CCSER1: variants seen among roughly 807,000 people sequenced by gnomAD.
CCSER1 encodes the protein serine-rich coiled-coil domain-containing protein 1.
Under a neutral mutation model 82.0 loss-of-function variants are expected in CCSER1, and 41 were observed. That is an observed-to-expected ratio of 0.50 (90% confidence interval 0.39 to 0.65). The LOEUF is 0.65. CCSER1 is among the 30% of genes least tolerant of loss of function. The pLI is 0.00. For missense variants in CCSER1, 1,119 were observed against 1,064.2 expected (o/e 1.05, Z -0.72); for synonymous variants, 414 against 383.9 (o/e 1.08, Z -0.92).
At chr4:91,358,813 A>G (rs761141572) in intron 10 of CCSER1, among the ~76,000 whole-genome samples, 2 of 151,968 alleles carry the variant, frequency 1.3e-5, no homozygotes, top group Admixed American at 6.6e-5. Context: ...GCAGTTTCCT[A>G]CCCGGGAGCG....
At chr4:90,699,715 C>T (rs1181168221) in intron 6 of CCSER1, among the ~76,000 whole-genome samples, 4 of 152,144 alleles carry the variant, frequency 2.6e-5, no homozygotes, top group Admixed American at 6.6e-5. Flanking sequence ...TATGAATCTG[C>T]CATAATCTGT....
chr4:90,297,552 G>C (rs1357917135), intron 1 of CCSER1, among the ~76,000 whole-genome samples: 1 of 147,840 alleles, frequency 6.8e-6, no homozygotes, highest in Non-Finnish European at 1.5e-5. Flanking sequence ...TCGTGAGAGA[G>C]GGCATCCCTG....
At chr4:90,646,683 T>C (rs1451164209) in intron 6 of CCSER1, among the ~76,000 whole-genome samples, 1 of 152,180 alleles carries the variant, frequency 6.6e-6, no homozygotes, top group Non-Finnish European at 1.5e-5. Context: ...TGTCTACTTT[T>C]AGGCTCTGAC....
intron 8 of CCSER1, among the ~76,000 whole-genome samples, chr4:90,833,880 T>C (rs1006206223): frequency 6.6e-5 from 10 of 152,234 alleles, no homozygotes; most frequent in Middle Eastern, 6.8e-3. Flanking sequence ...GGTTATTCAA[T>C]TGGAGAGTGG....
chr4:90,879,727 A>G (rs1362227680), intron 8 of CCSER1, among the ~76,000 whole-genome samples: 2 of 152,262 alleles, frequency 1.3e-5, no homozygotes, highest in Non-Finnish European at 2.9e-5. Context: ...AAGAACTCTT[A>G]TTGGAGAACT....
chr4:91,439,880 A>G (rs1315452853), intron 10 of CCSER1, among the ~76,000 whole-genome samples: 2 of 152,220 alleles, frequency 1.3e-5, no homozygotes, highest in Non-Finnish European at 1.5e-5. Context: ...GCCATTACAT[A>G]ATGGTAAAGG....
chr4:90,952,525 C>A (rs1195872567), intron 9 of CCSER1, among the ~76,000 whole-genome samples: 12 of 151,980 alleles, frequency 7.9e-5, no homozygotes, highest in African/African-American at 2.4e-4. Flanking sequence ...ATGTTGAAAT[C>A]TTGATTGATA....
chr4:90,609,808 A>G (rs550745575), intron 5 of CCSER1, among the ~76,000 whole-genome samples: 191 of 152,352 alleles, frequency 1.3e-3, no homozygotes, highest in African/African-American at 4.4e-3. Context: ...TACTTTAGTA[A>G]TCAGTGGCAT....
chr4:90,829,570 C>A (rs370591045), intron 8 of CCSER1, among the ~76,000 whole-genome samples: 1 of 152,118 alleles, frequency 6.6e-6, no homozygotes, highest in East Asian at 1.9e-4. Flanking sequence ...TCAGTCCTTG[C>A]CGCCTCAGAA....
chr4:91,230,033 T>C (rs1392222722), intron 10 of CCSER1, among the ~76,000 whole-genome samples: 3 of 152,098 alleles, frequency 2.0e-5, no homozygotes, highest in African/African-American at 7.2e-5. Flanking sequence ...CCACCAAATA[T>C]TCATTCGAGT....
intron 3 of CCSER1, among the ~76,000 whole-genome samples, chr4:90,315,564 G>A (rs868028908): frequency 5.3e-5 from 8 of 151,998 alleles, no homozygotes; most frequent in Admixed American, 3.9e-4. Context: ...GAGTGCAGTG[G>A]TGCAGTCTCG....
Position 91,081,142 on chromosome 4 carries a change from C to T in CCSER1, c.2173-4808C>T, listed in dbSNP as rs187912685. Reference sequence around the variant, plus strand: ...TTAGACCAATATCCCTCATGAACATCGATGCAAAAATCCTCAATAACATAC... The same window carrying T: ...TTAGACCAATATCCCTCATGAACATTGATGCAAAAATCCTCAATAACATAC... On this transcript the variant is annotated intron_variant, in intron 9 of 10. Coordinates refer to ENST00000509176, the MANE Select transcript of CCSER1 (RefSeq NM_001145065.2). 2.9e-3 allele frequency among the ~76,000 whole-genome samples: 438 copies of T among 152,198 alleles called. 3 individuals are homozygous for T. The highest frequency in any genetic ancestry group is 0.01 in the African/African-American group (418 of 41,544).
intron 9 of CCSER1, among the ~76,000 whole-genome samples, chr4:90,992,484 CAGTT>C (rs1737125110): frequency 6.6e-6 from 1 of 151,962 alleles, no homozygotes; most frequent in African/African-American, 2.4e-5. Context: ...TATTATCTCA[CAGTT>C]TGTTTTGGGT....
intron 1 of CCSER1, among the ~76,000 whole-genome samples, chr4:90,237,480 T>C (rs2153432276): frequency 6.6e-6 from 1 of 152,192 alleles, no homozygotes; most frequent in East Asian, 1.9e-4. Context: ...GAGCAGAGTG[T>C]TTCTCAATAG....
chr4:90,472,375 C>G (rs1764515656), intron 5 of CCSER1, among the ~76,000 whole-genome samples: 1 of 151,818 alleles, frequency 6.6e-6, no homozygotes, highest in Non-Finnish European at 1.5e-5. Context: ...AAATATTTTA[C>G]TTTTGACTTT....
At chr4:90,412,812 GAA>G (rs981752242) in intron 4 of CCSER1, among the ~76,000 whole-genome samples, 3 of 152,104 alleles carry the variant, frequency 2.0e-5, no homozygotes, top group African/African-American at 7.2e-5. Flanking sequence ...ACTGAATGGG[GAA>G]AAGTTGAAAG....
intron 1 of CCSER1, among the ~76,000 whole-genome samples, chr4:90,130,176 A>G (rs1722571003): frequency 6.6e-6 from 1 of 152,210 alleles, no homozygotes; most frequent in South Asian, 2.1e-4. Context: ...TAAAGGGCCT[A>G]ACGTTTGCAA....
chr4:90,579,492 C>T (rs1781171808), intron 5 of CCSER1, among the ~76,000 whole-genome samples: 1 of 152,156 alleles, frequency 6.6e-6, no homozygotes, highest in African/African-American at 2.4e-5. Context: ...CCTGGAATTG[C>T]ATGACAAGCT....
chr4:90,340,861 T>A (rs1741254377), intron 3 of CCSER1, among the ~76,000 whole-genome samples: 1 of 152,136 alleles, frequency 6.6e-6, no homozygotes, highest in Non-Finnish European at 1.5e-5. Context: ...TTTGTCAAAA[T>A]GAGCAGTCAG....
Sources: gnomAD v4.1 joint callset for allele counts (sites outside exome capture counted in the v4.1 genomes callset) on GRCh38, gnomAD v4.1.1 for gene constraint, MANE v1.5 for transcripts, NCBI Gene and HGNC (gene_info 2026-07-23, HGNC 2026-07-21) for gene names.